The following RYK variants were observed in gnomAD, a reference collection of about 807,000 sequenced individuals.
The protein encoded by RYK is inactive tyrosine-protein kinase RYK.
RYK carries 21 observed loss-of-function variants against 70.2 expected under a neutral mutation model. The ratio of observed to expected loss-of-function variants is 0.30; its 90% CI spans 0.21 to 0.43. The LOEUF (loss-of-function observed/expected upper bound fraction) is 0.43, where lower values mean the gene tolerates loss of function less well. Ranked by LOEUF, RYK falls within the 20% of genes least tolerant of loss-of-function variation. The pLI is 1.00. For synonymous variants in RYK, 267 were observed against 278.0 expected (o/e 0.96, Z 0.39); for missense variants, 604 against 753.3 (o/e 0.80, Z 2.32).
intron 1 of RYK, among the ~76,000 whole-genome samples, chr3:134,239,943 G>A (rs1182245078): frequency 6.6e-6 from 1 of 152,188 alleles, no homozygotes; most frequent in African/African-American, 2.4e-5. Context: ...GCAAGGCAGA[G>A]GTGCCATCTA....
intron 1 of RYK, among the ~76,000 whole-genome samples, chr3:134,227,260 G>A (rs893066054): frequency 6.6e-6 from 1 of 152,080 alleles, no homozygotes; most frequent in African/African-American, 2.4e-5. Context: ...ACATGGCTAA[G>A]AAAAATTAGA....
At chr3:134,225,450 T>C (rs1450468031) in intron 1 of RYK, among the ~76,000 whole-genome samples, 6 of 147,082 alleles carry the variant, frequency 4.1e-5, no homozygotes, top group Non-Finnish European at 9.0e-5. Flanking sequence ...GTAGTACAAC[T>C]GAAAAAAAAA....
chr3:134,192,081 T>C, intron 7 of RYK, 107 bp from the exon 8 acceptor site: 1 of 1,062,560 alleles, frequency 9.4e-7, no homozygotes. Flanking sequence ...GGAATGAGTG[T>C]AAGAATCATA....
chr3:134,183,700 T>A (rs1177756513), intron 9 of RYK, among the ~76,000 whole-genome samples: 1 of 152,120 alleles, frequency 6.6e-6, no homozygotes, highest in Non-Finnish European at 1.5e-5. Flanking sequence ...CTGCTAAGAG[T>A]CTCTGTTACA....
chr3:134,217,703 A>T (rs1284110887), intron 2 of RYK, among the ~76,000 whole-genome samples: 1 of 152,220 alleles, frequency 6.6e-6, no homozygotes, highest in African/African-American at 2.4e-5. Flanking sequence ...TTTCCAAAGG[A>T]AAGACAATAA....
chr3:134,183,101 A>G (rs1326478736), intron 9 of RYK, 30 bp from the exon 10 acceptor site: 3 of 1,314,296 alleles, frequency 2.3e-6, no homozygotes, highest in Non-Finnish European at 3.2e-6. Flanking sequence ...AATGTCTTGA[A>G]TAATAATACT....
chr3:134,195,011 C>A (rs1211166975), intron 7 of RYK, 71 bp downstream of exon 7: 2 of 1,035,282 alleles, frequency 1.9e-6, no homozygotes, highest in Non-Finnish European at 3.0e-6. Context: ...AGTACACTAA[C>A]CATGCAAGAC....
rs188142343 is a variant in RYK at position 134,212,954 on chromosome 3, A to C, written c.355-1347T>G. 3.0e-3 allele frequency among the ~76,000 whole-genome samples: 449 copies of C among 149,956 alleles called. 1 individual carries two copies. Among genetic ancestry groups the C allele is most frequent in the African/African-American group, 0.01 (420 of 41,038 alleles). On this transcript the variant is annotated intron_variant, in intron 2 of 14. Coordinates refer to ENST00000623711, the MANE Select transcript of RYK (RefSeq NM_002958.4). The stretch of plus-strand genomic sequence containing the variant: ...AAGATAGGTACGTAAACAACTGTTA[A>C]AGGCTGTGTTTGATAAGTGCCACAT...
intron 5 of RYK, among the ~76,000 whole-genome samples, chr3:134,204,851 C>T (rs942039919): frequency 6.6e-6 from 1 of 152,072 alleles, no homozygotes; most frequent in East Asian, 1.9e-4. Context: ...CAATTTCACA[C>T]GGTCACTTAA....
At chr3:134,212,767 C>CAT (rs1262451687) in intron 2 of RYK, among the ~76,000 whole-genome samples, 1 of 151,932 alleles carries the variant, frequency 6.6e-6, no homozygotes, top group African/African-American at 2.4e-5. Flanking sequence ...GAAGGGATGG[C>CAT]CCTTACGCTT....
At chr3:134,164,456 GCTTT>G (rs920953705) in intron 13 of RYK, among the ~76,000 whole-genome samples, 4 of 151,964 alleles carry the variant, frequency 2.6e-5, no homozygotes, top group South Asian at 4.1e-4. Context: ...CCACTAATTT[GCTTT>G]CTGTCACTAG....
intron 6 of RYK, among the ~76,000 whole-genome samples, chr3:134,195,703 T>C (rs982944788): frequency 1.3e-5 from 2 of 152,138 alleles, no homozygotes; most frequent in Non-Finnish European, 2.9e-5. Flanking sequence ...TCCCAACACT[T>C]TGGGAGGCCA....
intron 7 of RYK, among the ~76,000 whole-genome samples, chr3:134,193,236 T>G (rs899548824): frequency 6.6e-6 from 1 of 151,684 alleles, no homozygotes; most frequent in Non-Finnish European, 1.5e-5. Flanking sequence ...TAGGCTGGAG[T>G]GCAGTGGCGT....
intron 8 of RYK, among the ~76,000 whole-genome samples, chr3:134,190,036 C>T (rs2013597669): frequency 1.3e-5 from 2 of 152,194 alleles, no homozygotes; most frequent in South Asian, 4.1e-4. Context: ...TGCTCTAATG[C>T]CTTCCACTCT....
At chr3:134,188,687 T>C in intron 9 of RYK, 150 bp downstream of exon 9, 1 of 543,522 alleles carries the variant, frequency 1.8e-6, no homozygotes, top group South Asian at 2.7e-5. Flanking sequence ...ACAATTAGGC[T>C]CATATAAGAC....
intron 5 of RYK, among the ~76,000 whole-genome samples, chr3:134,206,485 A>T (rs148124595): frequency 4.6e-5 from 7 of 152,306 alleles, no homozygotes; most frequent in African/African-American, 1.7e-4. Flanking sequence ...ACAGTTGTGT[A>T]GGCTTCATTT....
At chr3:134,233,799 T>G (rs909260016) in intron 1 of RYK, among the ~76,000 whole-genome samples, 12 of 152,188 alleles carry the variant, frequency 7.9e-5, no homozygotes, top group African/African-American at 2.7e-4. Context: ...TGAACAAAAC[T>G]GTTATAAATA....
At chr3:134,244,548 G>T (rs887640752) in intron 1 of RYK, among the ~76,000 whole-genome samples, 11 of 152,218 alleles carry the variant, frequency 7.2e-5, no homozygotes, top group African/African-American at 2.6e-4. Context: ...ATGCAGAAAT[G>T]AATGCCTACA....
At chr3:134,246,301 A>ACACAC (rs2015462903) in intron 1 of RYK, among the ~76,000 whole-genome samples, 6 of 103,664 alleles carry the variant, frequency 5.8e-5, no homozygotes, top group African/African-American at 2.0e-4. Flanking sequence ...CTCAGAAAGA[A>ACACAC]ATACACACAC....
Sources: allele counts gnomAD v4.1 joint callset (sites outside exome capture counted in the v4.1 genomes callset), GRCh38; gene constraint gnomAD v4.1.1; transcripts MANE v1.5; gene names NCBI Gene and HGNC (gene_info 2026-07-23, HGNC 2026-07-21).